LMX1B: variants seen among roughly 807,000 people sequenced by gnomAD.
LMX1B encodes the protein LIM homeobox transcription factor 1-beta.
In LMX1B, 12 loss-of-function variants were observed where a neutral mutation model predicts 51.4. The ratio of observed to expected loss-of-function variants is 0.23; its 90% CI spans 0.15 to 0.38. LMX1B has a LOEUF of 0.38. LMX1B is among the 10% of genes least tolerant of loss of function. LMX1B has a pLI of 1.00. For missense variants in LMX1B, 445 were observed against 571.1 expected (o/e 0.78, Z 2.25); for synonymous variants, 237 against 235.4 (o/e 1.01, Z -0.06).
chr9:126,663,574 A>G (rs1836285992), intron 2 of LMX1B, among the ~76,000 whole-genome samples: 1 of 152,250 alleles, frequency 6.6e-6, no homozygotes, highest in Non-Finnish European at 1.5e-5. Flanking sequence ...TGCGGATAAT[A>G]GTAACCCTTG....
In LMX1B at chr9:126,653,878, C is replaced by G. The variant is rs1198592745; in HGVS notation, c.327-36958C>G. Among the ~76,000 whole-genome samples the G allele has an allele frequency of 2.0e-5, 3 of 152,096 alleles. No homozygotes were observed. The East Asian group carries it at 5.8e-4, about 29-fold the overall frequency. On this transcript the variant is annotated intron_variant, in intron 2 of 7. Transcript: ENST00000373474. Reference sequence around the variant, plus strand: ...TGTCTTGGTATCTCTCATCTTTACTCCCCACCCCCTGCATCAGGCCAATGG... The same window carrying G: ...TGTCTTGGTATCTCTCATCTTTACTGCCCACCCCCTGCATCAGGCCAATGG...
At chr9:126,691,143 T>A in intron 3 of LMX1B, 75 bp downstream of exon 3, 2 of 1,151,576 alleles carry the variant, frequency 1.7e-6, no homozygotes, top group Non-Finnish European at 2.5e-6. Flanking sequence ...GAGTCCCGGC[T>A]GGAGAAGCCA....
At chr9:126,675,945 A>T (rs4836552) in intron 2 of LMX1B, among the ~76,000 whole-genome samples, 9,838 of 146,128 alleles carry the variant, frequency 0.067, 398 homozygotes, top group Middle Eastern at 0.14. Context: ...GCTACTCGGG[A>T]GGCTGAGGCA....
At chr9:126,662,757 G>A (rs529980143) in intron 2 of LMX1B, among the ~76,000 whole-genome samples, 8 of 152,340 alleles carry the variant, frequency 5.3e-5, no homozygotes, top group Admixed American at 3.3e-4. Context: ...CCACGAGAGC[G>A]GCCACCGCTG....
chr9:126,675,471 A>G (rs1404027569), intron 2 of LMX1B, among the ~76,000 whole-genome samples: 2 of 152,226 alleles, frequency 1.3e-5, no homozygotes, highest in African/African-American at 2.4e-5. Context: ...TCACGCCTGT[A>G]ATCCCAGCAC....
intron 3 of LMX1B, among the ~76,000 whole-genome samples, chr9:126,692,201 A>G (rs2030157026): frequency 6.6e-6 from 1 of 152,182 alleles, no homozygotes; most frequent in Non-Finnish European, 1.5e-5. Flanking sequence ...TGCTGCAGCC[A>G]GCTCCATGGC....
At chr9:126,664,856 CAGAG>C (rs1836313773) in intron 2 of LMX1B, among the ~76,000 whole-genome samples, 1 of 152,198 alleles carries the variant, frequency 6.6e-6, no homozygotes, top group African/African-American at 2.4e-5. Context: ...GCCTGGGCAA[CAGAG>C]AGACTCCGTC....
At chr9:126,633,745 A>C (rs985702608) in intron 2 of LMX1B, among the ~76,000 whole-genome samples, 7 of 152,204 alleles carry the variant, frequency 4.6e-5, no homozygotes, top group African/African-American at 1.4e-4. Flanking sequence ...ATACAGCATG[A>C]TGGAAGAAGA....
intron 2 of LMX1B, among the ~76,000 whole-genome samples, chr9:126,639,488 T>C (rs947269146): frequency 7.9e-5 from 12 of 152,258 alleles, no homozygotes; most frequent in Non-Finnish European, 2.9e-5. Flanking sequence ...CTTCAGCTGC[T>C]AAGGAGTTAA....
At chr9:126,623,449 A>G (rs1835454513) in intron 2 of LMX1B, among the ~76,000 whole-genome samples, 1 of 152,178 alleles carries the variant, frequency 6.6e-6, no homozygotes, top group Non-Finnish European at 1.5e-5. Context: ...TGTGAAGTTC[A>G]CTGTCTGTAC....
chr9:126,619,734 A>G (rs1002729376), intron 2 of LMX1B, among the ~76,000 whole-genome samples: 2 of 152,124 alleles, frequency 1.3e-5, no homozygotes, highest in African/African-American at 4.8e-5. Flanking sequence ...GAACGGAGGC[A>G]TTATTCACAG....
At chr9:126,656,689 A>G (rs2118912727) in intron 2 of LMX1B, among the ~76,000 whole-genome samples, 1 of 152,334 alleles carries the variant, frequency 6.6e-6, no homozygotes. Flanking sequence ...GTTCTCTGAC[A>G]TATGAGTCTA....
At chr9:126,693,706 G>C (rs941420673) in intron 5 of LMX1B, 40 bp from the exon 6 acceptor site, 1 of 1,575,210 alleles carries the variant, frequency 6.3e-7, no homozygotes. Flanking sequence ...GTGCCTGGGG[G>C]CGAGGGGCAG....
chr9:126,693,824 C>T lies in LMX1B; in HGVS notation c.886+12C>T, dbSNP rs2030233603. 2 of 1,215,662 alleles carry T rather than the reference C, an allele frequency of 1.6e-6. No homozygotes were observed. The highest frequency in any genetic ancestry group is 1.2e-6 in the Non-Finnish European group (1 of 854,268). 75.3% of individuals were successfully genotyped at this position (1,215,662 alleles called of 1,614,324 possible). ...GCGGCTGGGCCAGGGTGAGCCGGGGCCGGGGCAGGGCCTGGGCCAGGGTGA... is the reference window on the plus strand; with the variant it reads ...GCGGCTGGGCCAGGGTGAGCCGGGGTCGGGGCAGGGCCTGGGCCAGGGTGA... On this transcript the variant is annotated intron_variant, in intron 6 of 7. Transcript: ENST00000373474.
At chr9:126,672,228 T>C (rs1836471894) in intron 2 of LMX1B, among the ~76,000 whole-genome samples, 2 of 152,190 alleles carry the variant, frequency 1.3e-5, no homozygotes, top group East Asian at 1.9e-4. Flanking sequence ...CTCTGTGGAA[T>C]GGGATCATGA....
chr9:126,688,924 A>G (rs1341292625), intron 2 of LMX1B, among the ~76,000 whole-genome samples: 1 of 152,194 alleles, frequency 6.6e-6, no homozygotes, highest in African/African-American at 2.4e-5. Context: ...GTTGGGCACC[A>G]ACAGGGACAT....
chr9:126,620,714 C>G (rs767351311), intron 2 of LMX1B, among the ~76,000 whole-genome samples: 3 of 152,038 alleles, frequency 2.0e-5, no homozygotes, highest in Non-Finnish European at 2.9e-5. Context: ...TGTGCTGGCT[C>G]TTTTTCCTTT....
At chr9:126,648,988 C>T (rs1835953944) in intron 2 of LMX1B, among the ~76,000 whole-genome samples, 1 of 152,108 alleles carries the variant, frequency 6.6e-6, no homozygotes, top group African/African-American at 2.4e-5. Flanking sequence ...TTACACCCGC[C>T]CATCCAGAAC....
At chr9:126,696,120 G>A in intron 7 of LMX1B, 117 bp downstream of exon 7, 2 of 1,192,908 alleles carry the variant, frequency 1.7e-6, no homozygotes, top group South Asian at 1.4e-5. Context: ...AGCATGGCCA[G>A]CACAGCCCTC....
Sources: allele counts gnomAD v4.1 joint callset (sites outside exome capture counted in the v4.1 genomes callset), GRCh38; gene constraint gnomAD v4.1.1; transcripts MANE v1.5; gene names NCBI Gene and HGNC (gene_info 2026-07-23, HGNC 2026-07-21).